The following TBC1D32 variants were observed in gnomAD, a reference collection of about 807,000 sequenced individuals.
The protein encoded by TBC1D32 is TBC1 domain family member 32, also known as protein broad-minded.
A neutral mutation model predicts 170.3 loss-of-function variants in TBC1D32; 151 were observed. The observed-to-expected ratio is 0.89, with a 90% CI of 0.78 to 1.01. The LOEUF (loss-of-function observed/expected upper bound fraction) is 1.01. Ranked by LOEUF, TBC1D32 falls within the 50% of genes least tolerant of loss-of-function variation. TBC1D32 has a pLI of 0.00. For synonymous variants in TBC1D32, 498 were observed against 488.0 expected (o/e 1.02, Z -0.27); for missense variants, 1,464 against 1,457.1 (o/e 1.00, Z -0.08).
chr6:121,231,535 C>A (rs751290176), intron 20 of TBC1D32, among the ~76,000 whole-genome samples: 1 of 152,186 alleles, frequency 6.6e-6, no homozygotes, highest in Non-Finnish European at 1.5e-5. Flanking sequence ...TACATTCCCA[C>A]TGACAGTGTA....
At chr6:121,276,001 TC>T (rs532426208) in intron 15 of TBC1D32, among the ~76,000 whole-genome samples, 217 of 150,894 alleles carry the variant, frequency 1.4e-3, no homozygotes, top group Non-Finnish European at 2.7e-3. Context: ...CACCTATAGG[TC>T]CCAGCTACTT....
intron 21 of TBC1D32, among the ~76,000 whole-genome samples, chr6:121,220,546 T>G (rs184959303): frequency 6.6e-6 from 1 of 152,106 alleles, no homozygotes; most frequent in East Asian, 1.9e-4. Flanking sequence ...AAGTACAAGA[T>G]GAAGTAGCAA....
intron 26 of TBC1D32, among the ~76,000 whole-genome samples, chr6:121,120,567 T>G (rs998500116): frequency 6.6e-6 from 1 of 152,032 alleles, no homozygotes; most frequent in African/African-American, 2.4e-5. Flanking sequence ...CATTAATAGC[T>G]GTATGTTTTT....
chr6:121,114,931 T>C (rs1415729963), intron 27 of TBC1D32, among the ~76,000 whole-genome samples: 4 of 152,158 alleles, frequency 2.6e-5, no homozygotes, highest in Admixed American at 1.3e-4. Context: ...CTGATAGTCA[T>C]GAGGGCTTAA....
intron 20 of TBC1D32, among the ~76,000 whole-genome samples, chr6:121,226,227 A>T (rs1361100099): frequency 6.6e-6 from 1 of 152,172 alleles, no homozygotes; most frequent in Non-Finnish European, 1.5e-5. Flanking sequence ...TCAAGGACTC[A>T]TAGTATAGTG....
intron 12 of TBC1D32, among the ~76,000 whole-genome samples, chr6:121,288,203 T>C (rs555998905): frequency 6.6e-6 from 1 of 152,230 alleles, no homozygotes; most frequent in East Asian, 1.9e-4. Context: ...AAAAAATCAA[T>C]GAATCCAGGA....
intron 30 of TBC1D32, among the ~76,000 whole-genome samples, chr6:121,101,175 C>G (rs993729018): frequency 1.3e-5 from 2 of 152,140 alleles, no homozygotes; most frequent in African/African-American, 4.8e-5. Flanking sequence ...GGAGCTGGTA[C>G]CATTCCTTCT....
chr6:121,141,871 A>C (rs146783384), intron 24 of TBC1D32, among the ~76,000 whole-genome samples: 3 of 152,296 alleles, frequency 2.0e-5, no homozygotes, highest in African/African-American at 7.2e-5. Context: ...CTTTAGGAAA[A>C]GGTTATGGCT....
intron 30 of TBC1D32, among the ~76,000 whole-genome samples, chr6:121,099,969 G>A (rs1035488066): frequency 6.6e-6 from 1 of 151,766 alleles, no homozygotes; most frequent in Admixed American, 6.6e-5. Flanking sequence ...GGTATAGCAA[G>A]GTTTTCCCAT....
At chr6:121,318,426 A>G (rs1210611095) in intron 2 of TBC1D32, among the ~76,000 whole-genome samples, 1 of 152,114 alleles carries the variant, frequency 6.6e-6, no homozygotes, top group African/African-American at 2.4e-5. Context: ...AGAATTTTAG[A>G]GCTAGAAAGA....
intron 20 of TBC1D32, among the ~76,000 whole-genome samples, chr6:121,227,496 G>C (rs2128336112): frequency 6.6e-6 from 1 of 152,032 alleles, no homozygotes; most frequent in South Asian, 2.1e-4. Flanking sequence ...TCAGATTATG[G>C]ATTAAATCAT....
At chr6:121,090,010 G>A (rs994950039) in intron 31 of TBC1D32, among the ~76,000 whole-genome samples, 3 of 150,830 alleles carry the variant, frequency 2.0e-5, no homozygotes, top group Non-Finnish European at 2.9e-5. Context: ...CTCGGCTCAT[G>A]CAAGCTCCGC....
At chr6:121,204,381 T>C (rs554323159) in intron 22 of TBC1D32, among the ~76,000 whole-genome samples, 3 of 151,330 alleles carry the variant, frequency 2.0e-5, no homozygotes, top group East Asian at 1.9e-4. Flanking sequence ...CGAATTATCA[T>C]TGATCTCCCT....
At chr6:121,285,960 A>ATCTATAC (rs1447319529) in intron 12 of TBC1D32, among the ~76,000 whole-genome samples, 8 of 152,312 alleles carry the variant, frequency 5.3e-5, no homozygotes, top group African/African-American at 1.7e-4. Flanking sequence ...ACAAACAGAA[A>ATCTATAC]GAACATCCAC....
chr6:121,215,552 T>G (rs1344043930), intron 21 of TBC1D32, among the ~76,000 whole-genome samples: 1 of 152,132 alleles, frequency 6.6e-6, no homozygotes, highest in African/African-American at 2.4e-5. Flanking sequence ...AGCATAAGTA[T>G]CAACACATTA....
chr6:121,191,950 T>G (rs1166973887), intron 22 of TBC1D32, among the ~76,000 whole-genome samples: 1 of 151,874 alleles, frequency 6.6e-6, no homozygotes, highest in Non-Finnish European at 1.5e-5. Context: ...CCTCAAACAT[T>G]GGACTCCAAG....
intron 30 of TBC1D32, among the ~76,000 whole-genome samples, chr6:121,097,354 A>AAAAC (rs1777539029): frequency 6.6e-6 from 1 of 151,406 alleles, no homozygotes; most frequent in Admixed American, 6.6e-5. Context: ...TTTACAAGAA[A>AAAAC]AAACAACCCC....
At chr6:121,285,466 T>G (rs1011882587) in intron 12 of TBC1D32, among the ~76,000 whole-genome samples, 2 of 152,124 alleles carry the variant, frequency 1.3e-5, no homozygotes, top group African/African-American at 4.8e-5. Flanking sequence ...GATCTAAGCA[T>G]GTAACCACAC....
At chr6:121,254,249 A>C (rs923310907) in intron 17 of TBC1D32, among the ~76,000 whole-genome samples, 8 of 152,110 alleles carry the variant, frequency 5.3e-5, no homozygotes, top group South Asian at 2.1e-4. Context: ...GAAAATTTGG[A>C]AGGAGGGTAA....
Sources: allele counts gnomAD v4.1 joint callset (sites outside exome capture counted in the v4.1 genomes callset), GRCh38; gene constraint gnomAD v4.1.1; transcripts MANE v1.5; gene names NCBI Gene and HGNC (gene_info 2026-07-23, HGNC 2026-07-21).